Variants in ATF7IP2 observed in about 807,000 individuals in gnomAD.
ATF7IP2 encodes activating transcription factor 7 interacting protein 2, also known as activating transcription factor 7-interacting protein 2.
ATF7IP2 carries 42 observed loss-of-function variants against 64.2 expected under a neutral mutation model. The observed-to-expected ratio is 0.65, with a 90% CI of 0.51 to 0.85. ATF7IP2 has a LOEUF of 0.85. Ranked by LOEUF, ATF7IP2 falls within the 40% of genes least tolerant of loss-of-function variation. The probability of loss-of-function intolerance (pLI) is 0.00; values close to 1 mark genes in which losing one functional copy is unlikely to be tolerated. For missense variants in ATF7IP2, 933 were observed against 784.2 expected (o/e 1.19, Z -2.27); for synonymous variants, 308 against 272.8 (o/e 1.13, Z -1.27).
At chr16:10,465,484 C>A (rs368518073) in intron 9 of ATF7IP2, among the ~76,000 whole-genome samples, 3 of 151,810 alleles carry the variant, frequency 2.0e-5, no homozygotes, top group Non-Finnish European at 4.4e-5. Context: ...CAGTGACTCA[C>A]GCCTGTAATC....
chr16:10,457,321 A>T (rs1157003519), intron 8 of ATF7IP2, 51 bp from the exon 9 acceptor site: 40 of 1,501,318 alleles, frequency 2.7e-5, no homozygotes, highest in Non-Finnish European at 3.0e-5. Flanking sequence ...GTTTGGAAGG[A>T]TACAATTGGT....
At chr16:10,460,446 G>T (rs547117188) in intron 9 of ATF7IP2, among the ~76,000 whole-genome samples, 195 of 152,226 alleles carry the variant, frequency 1.3e-3, no homozygotes, top group African/African-American at 4.5e-3. Context: ...GAAGGAATTT[G>T]CCATCAGACG....
intron 12 of ATF7IP2, among the ~76,000 whole-genome samples, chr16:10,475,559 G>A (rs1406862878): frequency 6.6e-6 from 1 of 151,664 alleles, no homozygotes; most frequent in Non-Finnish European, 1.5e-5. Context: ...CGGGTGTGGT[G>A]GCGGGCACCT....
intron 8 of ATF7IP2, among the ~76,000 whole-genome samples, chr16:10,443,947 G>T (rs2048716067): frequency 6.6e-6 from 1 of 152,186 alleles, no homozygotes; most frequent in Non-Finnish European, 1.5e-5. Flanking sequence ...GTCCAGCCTT[G>T]GTACTGAGTG....
rs1596623813 is a variant in ATF7IP2 at position 10,473,827 on chromosome 16, A to T, written c.1483-96A>T. 6 of 809,072 alleles carry T rather than the reference A, an allele frequency of 7.4e-6. No homozygotes were observed. In the East Asian group the frequency reaches 1.6e-4, roughly 22 times the overall value. The allele number at this position is 809,072 out of a possible 1,614,324, so 50.1% of individuals were successfully genotyped here. Reference sequence around the variant, plus strand: ...TCTCTAGTTTCCGAATGGTGATTTAAAATTACCATTTAAAATTACCAAATG... The same window carrying T: ...TCTCTAGTTTCCGAATGGTGATTTATAATTACCATTTAAAATTACCAAATG... On this transcript the variant is annotated intron_variant, in intron 11 of 13. Transcript: ENST00000562102.
chr16:10,439,827 C>T (rs2048552764), intron 7 of ATF7IP2, among the ~76,000 whole-genome samples: 1 of 151,572 alleles, frequency 6.6e-6, no homozygotes, highest in African/African-American at 2.4e-5. Context: ...AGCCACTGCG[C>T]CCGGCCGAAG....
At chr16:10,473,693 A>G (rs1444294697) in intron 11 of ATF7IP2, among the ~76,000 whole-genome samples, 159 bp downstream of exon 11, 3 of 152,210 alleles carry the variant, frequency 2.0e-5, no homozygotes, top group Non-Finnish European at 4.4e-5. Context: ...ATACTCATTT[A>G]CCAAATTCAT....
rs9931441 is a variant in ATF7IP2, at chr16:10,480,956, G to A, written c.1627G>A (p.Ala543Thr). 56,358 of 1,603,898 alleles carry A rather than the reference G, an allele frequency of 0.035. 2,360 individuals are homozygous for A. Among genetic ancestry groups the A allele is most frequent in the African/African-American group, 0.17 (12,658 of 74,494 alleles). The change falls in exon 13 of 14, where the codon GCA becomes ACA. Residue 543 changes from alanine to threonine, a missense_variant. Transcript: ENST00000562102. ...GGAAACAACCCCATTGGCACAAAATGCAGTCCAGGTACTGAATCAAAGTGC... is the reference window on the plus strand; with the variant it reads ...GGAAACAACCCCATTGGCACAAAATACAGTCCAGGTACTGAATCAAAGTGC... ...SKETTPLAQN[A>T]VQVPESFEHL...
At chr16:10,468,394 C>T (rs2142054160) in intron 9 of ATF7IP2, among the ~76,000 whole-genome samples, 1 of 152,244 alleles carries the variant, frequency 6.6e-6, no homozygotes, top group Admixed American at 6.5e-5. Flanking sequence ...CAGGAACTGA[C>T]ATTTTGCTAT....
At chr16:10,461,013 C>G (rs1211095047) in intron 9 of ATF7IP2, among the ~76,000 whole-genome samples, 3 of 151,874 alleles carry the variant, frequency 2.0e-5, no homozygotes, top group Admixed American at 6.6e-5. Context: ...CCAAATAATA[C>G]AAAAGAAAAA....
intron 1 of ATF7IP2, among the ~76,000 whole-genome samples, chr16:10,410,644 G>A (rs1359743786): frequency 6.6e-6 from 1 of 152,122 alleles, no homozygotes; most frequent in African/African-American, 2.4e-5. Context: ...TGATTGCTCT[G>A]GCTAGGAAGA....
intron 1 of ATF7IP2, among the ~76,000 whole-genome samples, chr16:10,411,732 C>G (rs1007952430): frequency 6.6e-6 from 1 of 152,062 alleles, no homozygotes; most frequent in Non-Finnish European, 1.5e-5. Context: ...TTCAGGGTAT[C>G]TACTTCTTCC....
chr16:10,449,158 A>G (rs1331675403), intron 8 of ATF7IP2: 1 of 152,186 alleles, frequency 6.6e-6, no homozygotes, highest in Non-Finnish European at 1.5e-5. Context: ...CTAGGTATGA[A>G]GCCAACTTGA....
At chr16:10,433,953 C>A (rs117042339) in intron 6 of ATF7IP2, among the ~76,000 whole-genome samples, 1 of 152,276 alleles carries the variant, frequency 6.6e-6, no homozygotes, top group Non-Finnish European at 1.5e-5. Flanking sequence ...GTAAGTCAGA[C>A]ACTGCATGAC....
At chr16:10,434,953 TA>T (rs1261750053) in intron 6 of ATF7IP2, among the ~76,000 whole-genome samples, 1 of 152,138 alleles carries the variant, frequency 6.6e-6, no homozygotes, top group Non-Finnish European at 1.5e-5. Flanking sequence ...GTATTTTTAG[TA>T]GAGACAGATT....
At chr16:10,472,329 A>G in intron 10 of ATF7IP2, 146 bp downstream of exon 10, 1 of 456,002 alleles carries the variant, frequency 2.2e-6, no homozygotes, top group East Asian at 3.4e-5. Flanking sequence ...TATCATGGTT[A>G]ATATTACCTA....
intron 12 of ATF7IP2, among the ~76,000 whole-genome samples, chr16:10,480,162 T>G (rs1390715600): frequency 6.6e-6 from 1 of 151,772 alleles, no homozygotes; most frequent in Non-Finnish European, 1.5e-5. Context: ...TAATTTTGTA[T>G]TTTTAGTAGA....
At chr16:10,439,049 C>CAAA (rs755392953) in intron 7 of ATF7IP2, among the ~76,000 whole-genome samples, 53,436 of 101,756 alleles carry the variant, frequency 0.53, 14,124 homozygotes, top group East Asian at 0.66. Context: ...GACTCCATCT[C>CAAA]AAAAAAAAAA....
intron 1 of ATF7IP2, among the ~76,000 whole-genome samples, chr16:10,390,840 C>CA (rs1408395243): frequency 2.6e-5 from 4 of 152,192 alleles, no homozygotes; most frequent in Admixed American, 2.6e-4. Context: ...CCTGAAGCTG[C>CA]AACAAGAACA....
Sources: allele counts gnomAD v4.1 joint callset (sites outside exome capture counted in the v4.1 genomes callset), GRCh38; gene constraint gnomAD v4.1.1; transcripts MANE v1.5; gene names NCBI Gene and HGNC (gene_info 2026-07-23, HGNC 2026-07-21).